Variants in MRTFA observed in about 807,000 individuals in gnomAD.
MRTFA encodes myocardin-related transcription factor A.
MRTFA carries 20 observed loss-of-function variants against 83.5 expected under a neutral mutation model. The ratio of observed to expected loss-of-function variants is 0.24; its 90% CI spans 0.17 to 0.35. MRTFA has a LOEUF of 0.35. MRTFA is among the 10% of genes least tolerant of loss of function. The pLI, the probability that MRTFA is intolerant of heterozygous loss-of-function variation, is 1.00. For missense variants in MRTFA, 1,200 were observed against 1,224.7 expected (o/e 0.98, Z 0.30); for synonymous variants, 659 against 541.2 (o/e 1.22, Z -3.02).
At chr22:40,531,396 T>C (rs1399144316) in intron 3 of MRTFA, among the ~76,000 whole-genome samples, 3 of 151,880 alleles carry the variant, frequency 2.0e-5, no homozygotes, top group African/African-American at 7.3e-5. Context: ...GCCTGAAAGT[T>C]TGTATATAAC....
chr22:40,614,070 C>T (rs1042362513), intron 1 of MRTFA, among the ~76,000 whole-genome samples: 30 of 151,808 alleles, frequency 2.0e-4, no homozygotes, highest in Middle Eastern at 3.4e-3. Flanking sequence ...GGCATGGTGG[C>T]GCATGCCTGT....
rs201269582 is a variant in MRTFA, at chr22:40,604,069, C to A, written c.-83-9334G>T. On this transcript the variant is annotated intron_variant, in intron 1 of 14. Coordinates refer to ENST00000355630, the MANE Select transcript of MRTFA (RefSeq NM_020831.6). ...GTGAACTTGGAAAACAGATAAAGAA[C>A]AAAGTGATTCTTGGAACCAGTGATC... Among the ~76,000 whole-genome samples the A allele has an allele frequency of 6.6e-5, 10 of 151,182 alleles. No individual in the cohort carries two copies. The East Asian group carries it at 1.6e-3, about 23-fold the overall frequency.
chr22:40,547,207 T>C (rs949816357), intron 3 of MRTFA, among the ~76,000 whole-genome samples: 4 of 152,090 alleles, frequency 2.6e-5, no homozygotes, highest in African/African-American at 7.2e-5. Flanking sequence ...TGAGTGCCTA[T>C]TATGATCCAG....
In MRTFA at chr22:40,437,069, T is replaced by C. The variant is rs890247183; in HGVS notation, c.308-1515A>G. ...AAAGAAACTACAGTCTTAAAAGTAC[T>C]ACTGAGATCCCATCTTCTAACAGAA... On this transcript the variant is annotated intron_variant, in intron 4 of 14. Coordinates refer to ENST00000355630, the MANE Select transcript of MRTFA (RefSeq NM_020831.6). Among the ~76,000 whole-genome samples the C allele has an allele frequency of 3.9e-5, 6 of 152,190 alleles. No homozygotes were observed. The East Asian group carries it at 1.2e-3, about 29-fold the overall frequency.
chr22:40,457,404 A>AAG (rs764619254), intron 4 of MRTFA, among the ~76,000 whole-genome samples: 4 of 148,696 alleles, frequency 2.7e-5, no homozygotes, highest in South Asian at 2.1e-4. Context: ...GAAAGAAAGA[A>AAG]AGAGAGAGAG....
intron 4 of MRTFA, among the ~76,000 whole-genome samples, chr22:40,441,876 T>C (rs1478038931): frequency 2.0e-5 from 3 of 151,380 alleles, no homozygotes; most frequent in Non-Finnish European, 4.4e-5. Context: ...GCATCCAATA[T>C]ATAGCAAAGG....
chr22:40,513,524 C>T (rs893391745), intron 3 of MRTFA, among the ~76,000 whole-genome samples: 9 of 150,774 alleles, frequency 6.0e-5, no homozygotes, highest in African/African-American at 2.2e-4. Flanking sequence ...TCACTTAAAC[C>T]CAGGAGGCAG....
intron 3 of MRTFA, among the ~76,000 whole-genome samples, chr22:40,515,758 A>G (rs2054747826): frequency 6.6e-6 from 1 of 152,198 alleles, no homozygotes; most frequent in Non-Finnish European, 1.5e-5. Flanking sequence ...CTACCAGTAT[A>G]TAAGGACAAA....
At chr22:40,603,579 T>G (rs901432873) in intron 1 of MRTFA, among the ~76,000 whole-genome samples, 1 of 152,284 alleles carries the variant, frequency 6.6e-6, no homozygotes, top group East Asian at 1.9e-4. Flanking sequence ...TACACTGAGA[T>G]TCAAGGAGAC....
At chr22:40,580,874 T>C (rs2055937407) in intron 2 of MRTFA, among the ~76,000 whole-genome samples, 2 of 152,180 alleles carry the variant, frequency 1.3e-5, no homozygotes, top group African/African-American at 4.8e-5. Context: ...CATCCTTTCA[T>C]CTCAGCCTCC....
chr22:40,609,593 G>A (rs1194688875), intron 1 of MRTFA, among the ~76,000 whole-genome samples: 1 of 152,040 alleles, frequency 6.6e-6, no homozygotes, highest in African/African-American at 2.4e-5. Context: ...CACTCTGGGA[G>A]GCCTAGATGG....
chr22:40,534,934 G>A (rs1359641986), intron 3 of MRTFA, among the ~76,000 whole-genome samples: 1 of 152,188 alleles, frequency 6.6e-6, no homozygotes, highest in East Asian at 1.9e-4. Context: ...GTCTCAGAAT[G>A]ACTGAAGGCA....
chr22:40,541,192 T>G lies in MRTFA; in HGVS notation c.241+10914A>C, dbSNP rs116676661. Among the ~76,000 whole-genome samples the G allele has an allele frequency of 5.8e-3, 882 of 152,304 alleles. 9 individuals carry two copies. The highest frequency in any genetic ancestry group is 0.021 in the African/African-American group (858 of 41,546). On this transcript the variant is annotated intron_variant, in intron 3 of 14. Coordinates refer to ENST00000355630, the MANE Select transcript of MRTFA (RefSeq NM_020831.6). ...CTTGGCTCACCTACAGGATAATCTTTAACCATAGAAAGCTGTCAATTTCAC... is the reference window on the plus strand; with the variant it reads ...CTTGGCTCACCTACAGGATAATCTTGAACCATAGAAAGCTGTCAATTTCAC...
At chr22:40,498,273 ATTT>A (rs1189933906) in intron 3 of MRTFA, among the ~76,000 whole-genome samples, 209 of 40,760 alleles carry the variant, frequency 5.1e-3, no homozygotes, top group Middle Eastern at 0.024. Context: ...ATATATATAT[ATTT>A]TTTTTTTTTT....
intron 3 of MRTFA, chr22:40,523,083 A>C (rs574471943): frequency 1.8e-4 from 27 of 152,180 alleles, no homozygotes; most frequent in African/African-American, 5.3e-4. Flanking sequence ...AATGCCAAAA[A>C]TAAGCCTATT....
At chr22:40,614,242 A>T (rs953918003) in intron 1 of MRTFA, among the ~76,000 whole-genome samples, 3 of 151,020 alleles carry the variant, frequency 2.0e-5, no homozygotes, top group African/African-American at 7.3e-5. Context: ...AAAAATAAAA[A>T]AAAATAAAAA....
intron 3 of MRTFA, among the ~76,000 whole-genome samples, chr22:40,499,579 T>A (rs1197079849): frequency 6.6e-6 from 1 of 152,180 alleles, no homozygotes; most frequent in Non-Finnish European, 1.5e-5. Context: ...AAAATTTTAA[T>A]ACCTCCTTAT....
chr22:40,546,915 G>T (rs2055373083), intron 3 of MRTFA, among the ~76,000 whole-genome samples: 1 of 152,120 alleles, frequency 6.6e-6, no homozygotes, highest in Non-Finnish European at 1.5e-5. Flanking sequence ...CAGCACTTTG[G>T]GAGGCCGAGG....
chr22:40,430,464 G>T (rs1424178346), intron 6 of MRTFA, among the ~76,000 whole-genome samples: 4 of 151,932 alleles, frequency 2.6e-5, no homozygotes, highest in Admixed American at 6.6e-5. Context: ...CACTAGCCTG[G>T]TGACACAGCA....
Sources: allele counts gnomAD v4.1 joint callset (sites outside exome capture counted in the v4.1 genomes callset), GRCh38; gene constraint gnomAD v4.1.1; transcripts MANE v1.5; gene names NCBI Gene and HGNC (gene_info 2026-07-23, HGNC 2026-07-21).